The following FAM81B variants were observed in gnomAD, a reference collection of about 807,000 sequenced individuals.
FAM81B encodes the protein protein FAM81B.
Under a neutral mutation model 58.7 loss-of-function variants are expected in FAM81B, and 60 were observed. That is an observed-to-expected ratio of 1.02 (90% CI 0.83 to 1.27). FAM81B has a LOEUF of 1.27. Among genes scored for constraint, FAM81B ranks in the 50% most tolerant of loss-of-function variants. FAM81B has a pLI of 0.00. For missense variants in FAM81B, 491 were observed against 522.0 expected, an observed-to-expected ratio of 0.94 and a Z score of 0.58; for synonymous variants, 189 against 179.6, an observed-to-expected ratio of 1.05 and a Z score of -0.42.
intron 7 of FAM81B, chr5:95,439,932 A>T (rs528504060): frequency 3.8e-6 from 1 of 263,404 alleles, no homozygotes; most frequent in African/African-American, 2.2e-5. Flanking sequence ...GGCAAGCAGG[A>T]TCGCTTGAAC....
chr5:95,417,271 A>G (rs1762562538), intron 4 of FAM81B, among the ~76,000 whole-genome samples: 1 of 152,180 alleles, frequency 6.6e-6, no homozygotes, highest in Non-Finnish European at 1.5e-5. Context: ...ATTGAAATTT[A>G]TCACTTTAAT....
chr5:95,432,539 TC>T (rs1466135094), intron 6 of FAM81B, among the ~76,000 whole-genome samples: 1 of 152,062 alleles, frequency 6.6e-6, no homozygotes, highest in Non-Finnish European at 1.5e-5. Flanking sequence ...TTGATAGCTT[TC>T]ATTTTTTATA....
At chr5:95,444,846 C>T (rs543340900) in intron 7 of FAM81B, among the ~76,000 whole-genome samples, 2 of 152,198 alleles carry the variant, frequency 1.3e-5, no homozygotes, top group East Asian at 1.9e-4. Context: ...TTCTCAGTGT[C>T]GGCACTATTG....
Position 95,445,149 on chromosome 5 carries a change from A to T in FAM81B, c.894-1413A>T, listed in dbSNP as rs367883212. On this transcript the variant is annotated intron_variant, in intron 7 of 9. Transcript: ENST00000283357. Reference sequence around the variant, plus strand: ...CAAGAGAGGCATGTATATGGAGTGTATGTCCAGCATGACTTAATTAATTTC... The same window carrying T: ...CAAGAGAGGCATGTATATGGAGTGTTTGTCCAGCATGACTTAATTAATTTC... 3.2e-4 allele frequency among the ~76,000 whole-genome samples: 49 copies of T among 152,358 alleles called. 2 individuals are homozygous for T. Among genetic ancestry groups the T allele is most frequent in the Middle Eastern group, 3.4e-3 (1 of 294 alleles).
chr5:95,423,659 G>A (rs1339987283), intron 5 of FAM81B, among the ~76,000 whole-genome samples: 1 of 151,914 alleles, frequency 6.6e-6, no homozygotes, highest in Non-Finnish European at 1.5e-5. Context: ...TGGTCAGAGA[G>A]GGCAGAATAA....
At chr5:95,396,255 C>A in intron 3 of FAM81B, 80 bp downstream of exon 3, 1 of 1,129,134 alleles carries the variant, frequency 8.9e-7, no homozygotes, top group Admixed American at 2.4e-5. Context: ...AAGAAAAAAT[C>A]CTGTGTTTAA....
chr5:95,435,014 A>T (rs542781245), intron 6 of FAM81B, among the ~76,000 whole-genome samples: 70 of 152,368 alleles, frequency 4.6e-4, no homozygotes, highest in African/African-American at 1.6e-3. Context: ...TGTGAAAAAG[A>T]TGGAGAAAGA....
At chr5:95,428,345 A>G (rs531533217) in intron 5 of FAM81B, among the ~76,000 whole-genome samples, 1 of 152,278 alleles carries the variant, frequency 6.6e-6, no homozygotes, top group Non-Finnish European at 1.5e-5. Flanking sequence ...AATTCCCTCA[A>G]TTTACCACAA....
intron 5 of FAM81B, among the ~76,000 whole-genome samples, chr5:95,426,817 G>A (rs557362320): frequency 6.6e-6 from 1 of 152,320 alleles, no homozygotes; most frequent in South Asian, 2.1e-4. Flanking sequence ...GGGAGGCTGA[G>A]GCGGGCCGAT....
In FAM81B at chr5:95,414,083, C is replaced by T. The variant is rs35391433; in HGVS notation, c.430C>T (p.Gln144Ter). The change falls in exon 4 of 10, where the codon CAG (glutamine) becomes TAG (stop). Residue 144 changes from glutamine (Q) to a stop codon, truncating the protein, a stop_gained. Coordinates refer to ENST00000283357, the MANE Select transcript of FAM81B (RefSeq NM_152548.3). LOFTEE classifies it high-confidence loss of function. ...CAAGGAGGACATCTCTGCTTGCCTG[C>T]AGGGGACCCATGGCTTTCGAAAAGA... ...RIKEDISACL[Q>*]GTHGFRKEES... 0.023 allele frequency: 37,332 copies of T among 1,614,054 alleles called. 524 individuals are homozygous for T. Among genetic ancestry groups the T allele is most frequent in the Middle Eastern group, 0.066 (400 of 6,062 alleles).
At chr5:95,392,753 T>C in intron 1 of FAM81B, 41 bp from the exon 2 acceptor site, 1 of 1,540,902 alleles carries the variant, frequency 6.5e-7, no homozygotes, top group Non-Finnish European at 8.8e-7. Flanking sequence ...AAAATTCACT[T>C]GTCATAGTTC....
In FAM81B at chr5:95,450,208, G is replaced by A; in HGVS notation, c.1285G>A (p.Asp429Asn). The change falls in exon 10 of 10, where the codon GAT (aspartate) becomes AAT (asparagine). Residue 429 changes from aspartate (D) to asparagine (N), a missense_variant. Coordinates refer to ENST00000283357, the MANE Select transcript of FAM81B (RefSeq NM_152548.3). ...CCAACAAATACAGAAAACAAAGATG[G>A]ATTTAGAGAAATATAAAGTACAGAA... is the stretch of plus-strand genomic sequence containing the variant. ...SLQQIQKTKM[D>N]LEKYKVQKDL... 6.2e-7 allele frequency: 1 copy of A among 1,613,202 alleles called. No individual in the cohort carries two copies. The highest frequency in any genetic ancestry group is 2.2e-5 in the East Asian group (1 of 44,718).
chr5:95,430,609 A>G (rs1582817657), intron 6 of FAM81B, among the ~76,000 whole-genome samples: 2 of 152,062 alleles, frequency 1.3e-5, no homozygotes, highest in African/African-American at 4.8e-5. Flanking sequence ...TCTTTCAAAC[A>G]ATGCTGCAAT....
chr5:95,439,235 AG>A (rs1561312827), intron 7 of FAM81B, among the ~76,000 whole-genome samples: 8 of 44,256 alleles, frequency 1.8e-4, no homozygotes, highest in African/African-American at 7.8e-4. Flanking sequence ...TAGGTTAAAG[AG>A]TATATATATA....
intron 7 of FAM81B, 26 bp downstream of exon 7, chr5:95,436,932 C>A (rs1417900355): frequency 3.2e-6 from 5 of 1,544,032 alleles, no homozygotes; most frequent in African/African-American, 1.4e-5. Flanking sequence ...ATTTTTAATT[C>A]TGTTAAGTGC....
At chr5:95,424,376 A>G (rs1238726003) in intron 5 of FAM81B, among the ~76,000 whole-genome samples, 1 of 152,118 alleles carries the variant, frequency 6.6e-6, no homozygotes, top group Non-Finnish European at 1.5e-5. Flanking sequence ...AACTGCCCAG[A>G]AAAGTATAGG....
At chr5:95,409,152 T>C (rs1454380603) in intron 3 of FAM81B, among the ~76,000 whole-genome samples, 1 of 152,158 alleles carries the variant, frequency 6.6e-6, no homozygotes, top group Non-Finnish European at 1.5e-5. Context: ...ATTATCAGTT[T>C]TTGTTTTGTT....
At chr5:95,420,821 G>GTACAAGATT (rs1762661373) in intron 5 of FAM81B, among the ~76,000 whole-genome samples, 1 of 152,200 alleles carries the variant, frequency 6.6e-6, no homozygotes, top group Non-Finnish European at 1.5e-5. Flanking sequence ...AACATCTTTT[G>GTACAAGATT]TACAAGATTT....
At chr5:95,425,769 T>C (rs1374903834) in intron 5 of FAM81B, among the ~76,000 whole-genome samples, 1 of 152,186 alleles carries the variant, frequency 6.6e-6, no homozygotes, top group Non-Finnish European at 1.5e-5. Flanking sequence ...CAAATTTTTT[T>C]TTAAATGTTG....
Sources: allele counts gnomAD v4.1 joint callset (sites outside exome capture counted in the v4.1 genomes callset), GRCh38; gene constraint gnomAD v4.1.1; transcripts MANE v1.5; gene names NCBI Gene and HGNC (gene_info 2026-07-23, HGNC 2026-07-21).